Variants in ULK4 observed in about 807,000 individuals in gnomAD.
ULK4 encodes inactive serine/threonine-protein kinase ULK4.
A neutral mutation model predicts 160.6 loss-of-function variants in ULK4; 133 were observed. The ratio of observed to expected loss-of-function variants is 0.83; its 90% CI spans 0.72 to 0.96. The LOEUF (loss-of-function observed/expected upper bound fraction) is 0.96, where lower values mean the gene tolerates loss of function less well. Ranked by LOEUF, ULK4 falls within the 40% of genes least tolerant of loss-of-function variation. The pLI, the probability that ULK4 is intolerant of heterozygous loss-of-function variation, is 0.00. For synonymous variants in ULK4, 534 were observed against 539.8 expected (o/e 0.99, Z 0.15); for missense variants, 1,580 against 1,499.5 (o/e 1.05, Z -0.89).
At chr3:41,639,611 C>T (rs2125713848) in intron 30 of ULK4, among the ~76,000 whole-genome samples, 1 of 152,114 alleles carries the variant, frequency 6.6e-6, no homozygotes, top group South Asian at 2.1e-4. Context: ...GCCTGTAATC[C>T]CAGCTACTCG....
At chr3:41,375,635 T>C (rs2081472532) in intron 35 of ULK4, among the ~76,000 whole-genome samples, 1 of 150,272 alleles carries the variant, frequency 6.7e-6, no homozygotes, top group African/African-American at 2.5e-5. Flanking sequence ...TAATTCAAGA[T>C]GGATTAAATA....
At chr3:41,703,375 T>C (rs1393994171) in intron 27 of ULK4, among the ~76,000 whole-genome samples, 1 of 151,910 alleles carries the variant, frequency 6.6e-6, no homozygotes, top group East Asian at 1.9e-4. Context: ...TAGAAATCAA[T>C]ATACAAAGAT....
At chr3:41,494,299 C>T (rs2084906403) in intron 32 of ULK4, among the ~76,000 whole-genome samples, 1 of 109,224 alleles carries the variant, frequency 9.2e-6, no homozygotes, top group South Asian at 3.3e-4. Context: ...CAATGTAATC[C>T]AGCATATAAA....
intron 29 of ULK4, among the ~76,000 whole-genome samples, chr3:41,673,561 G>C (rs1481850383): frequency 6.6e-6 from 1 of 152,072 alleles, no homozygotes; most frequent in African/African-American, 2.4e-5. Flanking sequence ...TTACAAAAAA[G>C]AAGGGCTGTA....
intron 31 of ULK4, among the ~76,000 whole-genome samples, chr3:41,606,595 A>G (rs766511964): frequency 1.3e-4 from 20 of 152,038 alleles, no homozygotes; most frequent in Non-Finnish European, 2.2e-4. Flanking sequence ...TTAACAGTGT[A>G]TAAGAATTCC....
chr3:41,689,360 G>C (rs2036205754), intron 27 of ULK4, among the ~76,000 whole-genome samples: 2 of 152,258 alleles, frequency 1.3e-5, no homozygotes, highest in South Asian at 4.1e-4. Flanking sequence ...AGACTTTATT[G>C]AGAGTCTGGA....
intron 2 of ULK4, among the ~76,000 whole-genome samples, chr3:41,941,339 G>GGAAA (rs370240236): frequency 9.9e-6 from 1 of 101,234 alleles, no homozygotes; most frequent in East Asian, 3.5e-4. Context: ...TGCCCAGCTT[G>GGAAA]AAAAAAAAAA....
intron 21 of ULK4, among the ~76,000 whole-genome samples, chr3:41,774,277 G>A (rs1304603996): frequency 6.6e-6 from 1 of 150,890 alleles, no homozygotes; most frequent in African/African-American, 2.5e-5. Flanking sequence ...CCATCAGAGT[G>A]AACAGGCAAC....
intron 33 of ULK4, among the ~76,000 whole-genome samples, chr3:41,458,051 G>A (rs2083595620): frequency 6.6e-6 from 1 of 152,198 alleles, no homozygotes; most frequent in Admixed American, 6.5e-5. Flanking sequence ...TTTCTGGTTT[G>A]CGTGGCAGGG....
chr3:41,690,207 C>T lies in ULK4; in HGVS notation c.2782-8403G>A, dbSNP rs1370599200. On this transcript the variant is annotated intron_variant, in intron 27 of 36. Coordinates refer to ENST00000301831, the MANE Select transcript of ULK4 (RefSeq NM_017886.4). Reference sequence around the variant, plus strand: ...ATCGCAAGAACAAAAAACCAAACACCGCATATTCTCACTCATAGGTGGGAA... The same window carrying T: ...ATCGCAAGAACAAAAAACCAAACACTGCATATTCTCACTCATAGGTGGGAA... Among the ~76,000 whole-genome samples the T allele has an allele frequency of 5.3e-5, 8 of 150,012 alleles. No homozygotes were observed. The East Asian group carries it at 1.2e-3, about 22-fold the overall frequency.
chr3:41,313,300 G>C (rs1161323603), intron 35 of ULK4, among the ~76,000 whole-genome samples: 1 of 152,162 alleles, frequency 6.6e-6, no homozygotes, highest in African/African-American at 2.4e-5. Context: ...ATTTCATATG[G>C]TTGTTGTGAG....
At chr3:41,554,028 T>C (rs2125582469) in intron 32 of ULK4, among the ~76,000 whole-genome samples, 1 of 152,172 alleles carries the variant, frequency 6.6e-6, no homozygotes, top group East Asian at 1.9e-4. Context: ...TCTATCTATC[T>C]CCATAAGTTC....
At chr3:41,463,492 A>AG (rs2083746164) in intron 32 of ULK4, among the ~76,000 whole-genome samples, 2 of 152,194 alleles carry the variant, frequency 1.3e-5, no homozygotes, top group Admixed American at 6.5e-5. Context: ...TTTGATGCAA[A>AG]GGTTCCAAAC....
At chr3:41,679,767 T>C (rs898092711) in intron 29 of ULK4, among the ~76,000 whole-genome samples, 9 of 152,240 alleles carry the variant, frequency 5.9e-5, no homozygotes, top group Non-Finnish European at 1.2e-4. Flanking sequence ...AACTGTGAAG[T>C]CCTGTTGGAG....
At chr3:41,435,934 C>A (rs1349853158) in intron 34 of ULK4, among the ~76,000 whole-genome samples, 1 of 146,014 alleles carries the variant, frequency 6.8e-6, no homozygotes, top group Non-Finnish European at 1.5e-5. Context: ...GGCAACAGAG[C>A]AAGACTCCGT....
At chr3:41,835,809 G>T in intron 18 of ULK4, 55 bp downstream of exon 18, 1 of 1,334,120 alleles carries the variant, frequency 7.5e-7, no homozygotes, top group Non-Finnish European at 1.1e-6. Context: ...ATACTTGTCA[G>T]CCAGAGTATG....
chr3:41,721,019 T>A (rs1020748258), intron 22 of ULK4, among the ~76,000 whole-genome samples: 10 of 152,006 alleles, frequency 6.6e-5, no homozygotes, highest in African/African-American at 2.4e-4. Context: ...AATGCGGCTG[T>A]CAAAAAGAAG....
At chr3:41,579,186 T>C (rs2030013661) in intron 31 of ULK4, among the ~76,000 whole-genome samples, 1 of 152,184 alleles carries the variant, frequency 6.6e-6, no homozygotes, top group Non-Finnish European at 1.5e-5. Context: ...AACCACTGTA[T>C]TCCAATAAAT....
chr3:41,504,380 T>C (rs1349728618), intron 32 of ULK4, among the ~76,000 whole-genome samples: 1 of 152,174 alleles, frequency 6.6e-6, no homozygotes, highest in Admixed American at 6.5e-5. Flanking sequence ...CTGAAATTAG[T>C]TCTCAAAAAA....
Sources: gnomAD v4.1 joint callset for allele counts (sites outside exome capture counted in the v4.1 genomes callset) on GRCh38, gnomAD v4.1.1 for gene constraint, MANE v1.5 for transcripts, NCBI Gene and HGNC (gene_info 2026-07-23, HGNC 2026-07-21) for gene names.